CC2D2A: variants seen among roughly 807,000 people sequenced by gnomAD.
CC2D2A encodes coiled-coil and C2 domain-containing protein 2A.
Under a neutral mutation model 212.9 loss-of-function variants are expected in CC2D2A, and 155 were observed. The observed-to-expected ratio is 0.73, with a 90% CI of 0.64 to 0.83. CC2D2A has a LOEUF of 0.83. CC2D2A is among the 40% of genes least tolerant of loss of function. CC2D2A has a pLI of 0.00. For synonymous variants in CC2D2A, 667 were observed against 686.5 expected, an observed-to-expected ratio of 0.97 and a Z score of 0.44; for missense variants, 1,856 against 1,956.2, an observed-to-expected ratio of 0.95 and a Z score of 0.97.
At chr4:15,587,967 G>A in intron 32 of CC2D2A, 38 bp downstream of exon 32, 2 of 1,148,784 alleles carry the variant, frequency 1.7e-6, no homozygotes, top group Non-Finnish European at 1.3e-6. Flanking sequence ...GAGGAGTATA[G>A]TTGTCTAATC....
chr4:15,564,428 T>G (rs1012308748), intron 24 of CC2D2A, among the ~76,000 whole-genome samples: 2 of 152,170 alleles, frequency 1.3e-5, no homozygotes, highest in African/African-American at 4.8e-5. Context: ...TAATGTGCAT[T>G]CACCATGTTT....
chr4:15,559,590 A>T (rs2109060599), intron 22 of CC2D2A, among the ~76,000 whole-genome samples: 1 of 152,304 alleles, frequency 6.6e-6, no homozygotes, highest in South Asian at 2.1e-4. Context: ...AAAAAACAAA[A>T]GTTTTTAAAC....
chr4:15,585,360 G>A (rs909704712), intron 30 of CC2D2A, among the ~76,000 whole-genome samples: 51 of 152,184 alleles, frequency 3.4e-4, no homozygotes, highest in African/African-American at 1.2e-3. Context: ...GGGTGAAGCT[G>A]GTGGGCATGT....
intron 34 of CC2D2A, 76 bp from the exon 35 acceptor site, chr4:15,597,331 T>G: frequency 1.9e-6 from 2 of 1,065,166 alleles, no homozygotes; most frequent in South Asian, 2.8e-5. Context: ...TTCATTGATT[T>G]TTAAGATTTT....
At chr4:15,537,162 G>A in intron 15 of CC2D2A, 86 bp downstream of exon 15, 1 of 1,184,768 alleles carries the variant, frequency 8.4e-7, no homozygotes, top group Non-Finnish European at 1.2e-6. Flanking sequence ...GGGGAAACCA[G>A]ACTGGCAGAC....
At chr4:15,530,533 ATTGG>A (rs1560168127) in intron 13 of CC2D2A, among the ~76,000 whole-genome samples, 1 of 152,154 alleles carries the variant, frequency 6.6e-6, no homozygotes, top group East Asian at 1.9e-4. Context: ...AACTGTCTTT[ATTGG>A]TCACTATTTG....
chr4:15,510,420 AC>A (rs1716507318), intron 7 of CC2D2A, among the ~76,000 whole-genome samples, 180 bp downstream of exon 7: 1 of 151,980 alleles, frequency 6.6e-6, no homozygotes, highest in Admixed American at 6.6e-5. Flanking sequence ...ACATGGCGAA[AC>A]CCCATCTCTA....
At chr4:15,494,816 C>T (rs994394743) in intron 4 of CC2D2A, among the ~76,000 whole-genome samples, 1 of 152,292 alleles carries the variant, frequency 6.6e-6, no homozygotes, top group East Asian at 1.9e-4. Context: ...TAATCAACTA[C>T]ATGCTTTGAT....
intron 6 of CC2D2A, among the ~76,000 whole-genome samples, chr4:15,503,771 A>G (rs150654680): frequency 6.6e-6 from 1 of 152,184 alleles, no homozygotes; most frequent in African/African-American, 2.4e-5. Flanking sequence ...GAGGAATCTC[A>G]ATATGTGTTC....
intron 32 of CC2D2A, 142 bp downstream of exon 32, chr4:15,588,071 G>C (rs886291167): frequency 1.8e-6 from 1 of 557,640 alleles, no homozygotes; most frequent in African/African-American, 1.9e-5. Flanking sequence ...AACGGGCAGA[G>C]AGAACTACCA....
At chr4:15,492,622 T>C (rs1279573036) in intron 4 of CC2D2A, 2 of 470,356 alleles carry the variant, frequency 4.3e-6, no homozygotes, top group East Asian at 9.4e-5. Flanking sequence ...GGAGGGGAGA[T>C]TCTCAGTGAG....
At position 15,473,652 on chromosome 4, in the gene CC2D2A, T is replaced by C. The variant is rs577124855; in HGVS notation, c.-18-2263T>C. Among the ~76,000 whole-genome samples, 3 of 152,316 alleles carry C rather than the reference T, an allele frequency of 2.0e-5. No individual in the cohort carries two copies. The highest frequency in any genetic ancestry group is 4.1e-4 in the South Asian group (2 of 4,832). On this transcript the variant is annotated intron_variant, in intron 1 of 36. Coordinates refer to ENST00000424120, the MANE Select transcript of CC2D2A (RefSeq NM_001378615.1). ...TTTGCACTGGCTTCAATGCAGAGAA[T>C]ATGGTAGCCCAGCAATGTGGCAAGC...
rs1134634 is a variant in CC2D2A at position 15,601,446 on chromosome 4, G to T, written c.*21G>T. ...GGTAATTTTTTTCACTGTACTTTCT[G>T]TATCATGTAAAAACTACACTTAGGA... On this transcript the variant is annotated 3_prime_UTR_variant, in exon 37 of 37. Transcript: ENST00000424120. 3 of 1,400,394 alleles carry T rather than the reference G, an allele frequency of 2.1e-6. No homozygotes were observed. The highest frequency in any genetic ancestry group is 9.4e-7 in the Non-Finnish European group (1 of 1,061,774). 86.7% of individuals were successfully genotyped at this position (1,400,394 alleles called of 1,614,324 possible).
chr4:15,480,897 A>G, intron 4 of CC2D2A, 70 bp downstream of exon 4: 2 of 1,532,082 alleles, frequency 1.3e-6, no homozygotes, highest in Non-Finnish European at 1.8e-6. Context: ...AGAGCAGTAT[A>G]GGGATTTTTT....
Position 15,570,378 on chromosome 4 carries a change from A to T in CC2D2A, c.3496-20A>T. On this transcript the variant is annotated intron_variant, in intron 27 of 36. Coordinates refer to ENST00000424120, the MANE Select transcript of CC2D2A (RefSeq NM_001378615.1). ...TTTCTGGAGTTCTTAAGCAATTATTACTTCCCACCCTTCCTTTAGGATGAC... is the reference window on the plus strand; with the variant it reads ...TTTCTGGAGTTCTTAAGCAATTATTTCTTCCCACCCTTCCTTTAGGATGAC... 1 of 1,479,842 alleles carries T rather than the reference A, an allele frequency of 6.8e-7. No homozygotes were observed. Among genetic ancestry groups the T allele is most frequent in the East Asian group, 2.3e-5 (1 of 43,172 alleles). 91.7% of individuals were successfully genotyped at this position (1,479,842 alleles called of 1,614,324 possible).
At chr4:15,487,667 G>A (rs777449844) in intron 4 of CC2D2A, among the ~76,000 whole-genome samples, 3 of 151,840 alleles carry the variant, frequency 2.0e-5, no homozygotes, top group Non-Finnish European at 4.4e-5. Flanking sequence ...TATTCACAGG[G>A]AGGGACTTAC....
intron 14 of CC2D2A, among the ~76,000 whole-genome samples, chr4:15,536,007 T>C (rs1344972952): frequency 6.6e-6 from 1 of 152,136 alleles, no homozygotes; most frequent in African/African-American, 2.4e-5. Context: ...TTTAATCCAG[T>C]GTTAATATGG....
chr4:15,576,161 G>T (rs1177154822), intron 29 of CC2D2A, among the ~76,000 whole-genome samples: 2 of 152,170 alleles, frequency 1.3e-5, no homozygotes, highest in African/African-American at 4.8e-5. Flanking sequence ...TAAAATGAGG[G>T]CTTAAAAAAC....
At chr4:15,486,065 G>A (rs1433615136) in intron 4 of CC2D2A, among the ~76,000 whole-genome samples, 2 of 152,116 alleles carry the variant, frequency 1.3e-5, no homozygotes, top group Non-Finnish European at 2.9e-5. Flanking sequence ...CAGTTGGCTA[G>A]TATTTTGTTG....
Sources: allele counts gnomAD v4.1 joint callset (sites outside exome capture counted in the v4.1 genomes callset), GRCh38; gene constraint gnomAD v4.1.1; transcripts MANE v1.5; gene names NCBI Gene and HGNC (gene_info 2026-07-23, HGNC 2026-07-21).